The following ABCD3 variants were observed in gnomAD, a reference collection of about 807,000 sequenced individuals.
The protein encoded by ABCD3 is ATP-binding cassette sub-family D member 3.
In ABCD3, 41 loss-of-function variants were observed where a neutral mutation model predicts 105.5. The ratio of observed to expected loss-of-function variants is 0.39; its 90% CI spans 0.30 to 0.50. ABCD3 has a LOEUF of 0.50. Ranked by LOEUF, ABCD3 falls within the 20% of genes least tolerant of loss-of-function variation. The probability of loss-of-function intolerance (pLI) is 0.84; values close to 1 mark genes in which losing one functional copy is unlikely to be tolerated. For synonymous variants in ABCD3, 258 were observed against 269.0 expected (o/e 0.96, Z 0.40); for missense variants, 622 against 806.3 (o/e 0.77, Z 2.77).
At chr1:94,505,688 C>T (rs1025292020) in intron 20 of ABCD3, among the ~76,000 whole-genome samples, 5 of 151,916 alleles carry the variant, frequency 3.3e-5, no homozygotes, top group Admixed American at 1.3e-4. Context: ...ATTTAATGGT[C>T]GAGTGAAGGA....
At chr1:94,478,815 C>A (rs919383261) in intron 8 of ABCD3, 4 of 439,158 alleles carry the variant, frequency 9.1e-6, no homozygotes, top group African/African-American at 4.1e-5. Flanking sequence ...AATAACGATA[C>A]ATTTAGAGTG....
At chr1:94,478,908 G>T (rs1035141947) in intron 8 of ABCD3, among the ~76,000 whole-genome samples, 4 of 152,136 alleles carry the variant, frequency 2.6e-5, no homozygotes, top group African/African-American at 9.7e-5. Flanking sequence ...TGATATTTGT[G>T]ATGGCAAGAA....
intron 21 of ABCD3, chr1:94,513,621 A>G (rs913922955): frequency 6.6e-6 from 1 of 152,120 alleles, no homozygotes; most frequent in African/African-American, 2.4e-5. Flanking sequence ...TACCGTTTAG[A>G]TGAAACTAAA....
intron 16 of ABCD3, 152 bp from the exon 17 acceptor site, chr1:94,498,450 C>A (rs934776382): frequency 5.1e-6 from 4 of 786,050 alleles, no homozygotes; most frequent in Non-Finnish European, 6.2e-6. Flanking sequence ...CACAATACCT[C>A]TTCACTGCTC....
At chr1:94,483,793 G>C (rs1649148479) in intron 10 of ABCD3, among the ~76,000 whole-genome samples, 1 of 152,080 alleles carries the variant, frequency 6.6e-6, no homozygotes, top group Non-Finnish European at 1.5e-5. Flanking sequence ...ATTGACAAAT[G>C]GGATCTAATT....
intron 1 of ABCD3, among the ~76,000 whole-genome samples, chr1:94,425,803 T>G (rs1659445946): frequency 6.6e-6 from 1 of 152,240 alleles, no homozygotes; most frequent in Admixed American, 6.5e-5. Flanking sequence ...ATGAACATTT[T>G]TTTGTGCAGC....
intron 20 of ABCD3, among the ~76,000 whole-genome samples, chr1:94,502,601 A>T: frequency 6.6e-6 from 1 of 150,848 alleles, no homozygotes; most frequent in Non-Finnish European, 1.5e-5. Context: ...GGTTCAAGAG[A>T]TTCTCCTGCC....
At position 94,498,775 on chromosome 1, in the gene ABCD3, T is replaced by A; in HGVS notation, c.1465-8T>A. The stretch of plus-strand genomic sequence containing the variant: ...CAATTGTTCTTCTCCCTTCTCTCTC[T>A]TTAATAGTTATGGCCTCTTTTTGGA... On this transcript the variant is annotated splice_polypyrimidine_tract_variant and splice_region_variant and intron_variant, in intron 17 of 22. Transcript: ENST00000370214. 3 of 1,613,764 alleles carry A rather than the reference T, an allele frequency of 1.9e-6. No individual in the cohort carries two copies. The highest frequency in any genetic ancestry group is 2.5e-6 in the Non-Finnish European group (3 of 1,179,778).
chr1:94,432,861 C>T (rs916458381), intron 1 of ABCD3, among the ~76,000 whole-genome samples: 16 of 148,518 alleles, frequency 1.1e-4, no homozygotes, highest in East Asian at 3.9e-4. Context: ...AATTTTTTTT[C>T]TTTTTTTTTT....
intron 21 of ABCD3, among the ~76,000 whole-genome samples, chr1:94,512,097 T>C (rs1650700997): frequency 6.6e-6 from 1 of 152,096 alleles, no homozygotes. Flanking sequence ...GTTTTTCTGC[T>C]CTGTTTTTTC....
At chr1:94,468,586 T>C (rs1289188403) in intron 4 of ABCD3, among the ~76,000 whole-genome samples, 1 of 152,200 alleles carries the variant, frequency 6.6e-6, no homozygotes. Context: ...CAATTTACCA[T>C]TTATCTGTTA....
chr1:94,423,545 CTT>C, intron 1 of ABCD3, among the ~76,000 whole-genome samples: 1 of 152,174 alleles, frequency 6.6e-6, no homozygotes, highest in African/African-American at 2.4e-5. Flanking sequence ...GAGCCTGTCT[CTT>C]TGGCGTCTGC....
At chr1:94,496,451 T>TTGTGTG (rs57988079) in intron 16 of ABCD3, among the ~76,000 whole-genome samples, 28 of 149,424 alleles carry the variant, frequency 1.9e-4, no homozygotes, top group African/African-American at 6.1e-4. Context: ...TGCCATTTCA[T>TTGTGTG]TGTGTGTGTG....
intron 10 of ABCD3, among the ~76,000 whole-genome samples, chr1:94,486,825 A>G (rs879448296): frequency 6.6e-6 from 1 of 152,204 alleles, no homozygotes; most frequent in Admixed American, 6.5e-5. Flanking sequence ...TTAAGAAGGT[A>G]CATGTTTGAG....
chr1:94,415,960 G>A (rs1325281357), upstream of ABCD3, among the ~76,000 whole-genome samples: 2 of 152,130 alleles, frequency 1.3e-5, no homozygotes, highest in African/African-American at 2.4e-5. Flanking sequence ...ATTTTTGTCA[G>A]ATGGGCTTTA....
intron 9 of ABCD3, 35 bp from the exon 10 acceptor site, chr1:94,483,135 A>G: frequency 7.4e-7 from 1 of 1,349,022 alleles, no homozygotes; most frequent in Admixed American, 1.7e-5. Flanking sequence ...CATAGGTAAC[A>G]TTAAAATTAA....
chr1:94,458,704 TATG>T lies in ABCD3; in HGVS notation c.147+64_147+66del. ...TGCATTTATTTCATTTATTTTGTCA[TATG>T]ATTCTGATTTAGGATTAAATTTTAT... On this transcript the variant is annotated intron_variant, in intron 2 of 22. Coordinates refer to ENST00000370214, the MANE Select transcript of ABCD3 (RefSeq NM_002858.4). The T allele has an allele frequency of 6.0e-6, 9 of 1,508,982 alleles. No individual in the cohort carries two copies. The South Asian group carries it at 9.2e-5, about 15-fold the overall frequency. The allele number at this position is 1,508,982 out of a possible 1,614,324, so 93.5% of individuals were successfully genotyped here.
chr1:94,433,261 T>G (rs978501926), intron 1 of ABCD3, among the ~76,000 whole-genome samples: 2 of 151,928 alleles, frequency 1.3e-5, no homozygotes, highest in African/African-American at 4.8e-5. Flanking sequence ...TTCAAGCGAT[T>G]CTCCTGCCTC....
chr1:94,457,073 G>T (rs1647609630), intron 1 of ABCD3, among the ~76,000 whole-genome samples: 2 of 152,012 alleles, frequency 1.3e-5, no homozygotes, highest in Admixed American at 6.6e-5. Flanking sequence ...TGGGTCCTTT[G>T]CTCGTTTTTT....
Sources: allele counts gnomAD v4.1 joint callset (sites outside exome capture counted in the v4.1 genomes callset), GRCh38; gene constraint gnomAD v4.1.1; transcripts MANE v1.5; gene names NCBI Gene and HGNC (gene_info 2026-07-23, HGNC 2026-07-21).